The following CTNNA3 variants were observed in gnomAD, a reference collection of about 807,000 sequenced individuals.
The protein encoded by CTNNA3 is catenin alpha 3, also known as catenin alpha-3.
CTNNA3 carries 76 observed loss-of-function variants against 95.7 expected under a neutral mutation model. The ratio of observed to expected loss-of-function variants is 0.79; its 90% CI spans 0.66 to 0.96. The LOEUF (loss-of-function observed/expected upper bound fraction) is 0.96, where lower values mean the gene tolerates loss of function less well. CTNNA3 is among the 40% of genes least tolerant of loss of function. The pLI is 0.00. For missense variants in CTNNA3, 1,191 were observed against 1,089.8 expected (o/e 1.09, Z -1.31); for synonymous variants, 431 against 374.4 (o/e 1.15, Z -1.74).
intron 13 of CTNNA3, among the ~76,000 whole-genome samples, chr10:66,204,932 G>A (rs1028413651): frequency 6.6e-5 from 10 of 152,050 alleles, no homozygotes; most frequent in African/African-American, 1.2e-4. Context: ...TGAAGACTGT[G>A]CTTTATTACC....
intron 7 of CTNNA3, among the ~76,000 whole-genome samples, chr10:66,813,578 A>T (rs1052056529): frequency 2.0e-5 from 3 of 152,222 alleles, no homozygotes; most frequent in South Asian, 2.1e-4. Context: ...ATTCAATAAA[A>T]TTTTTCTGGA....
intron 1 of CTNNA3, among the ~76,000 whole-genome samples, chr10:67,703,672 C>A (rs1217125785): frequency 6.6e-6 from 1 of 152,148 alleles, no homozygotes; most frequent in Non-Finnish European, 1.5e-5. Flanking sequence ...CAATATCATA[C>A]TGAATGGGCA....
chr10:65,978,962 G>A (rs1375885194), intron 16 of CTNNA3, among the ~76,000 whole-genome samples: 1 of 152,148 alleles, frequency 6.6e-6, no homozygotes, highest in Non-Finnish European at 1.5e-5. Context: ...TATAATGTCA[G>A]TGGTAGAGGA....
chr10:66,621,640 C>T (rs1210770823), intron 10 of CTNNA3, 52 bp downstream of exon 10: 15 of 1,045,412 alleles, frequency 1.4e-5, no homozygotes, highest in Non-Finnish European at 2.1e-5. Context: ...TGCATAAAAG[C>T]ATTAGGAATT....
At chr10:67,724,238 G>T (rs1841196494) in intron 1 of CTNNA3, among the ~76,000 whole-genome samples, 1 of 152,098 alleles carries the variant, frequency 6.6e-6, no homozygotes, top group African/African-American at 2.4e-5. Flanking sequence ...TTTATACCAG[G>T]AGTGGGCCTA....
chr10:67,585,231 G>T (rs1842585270), intron 3 of CTNNA3, among the ~76,000 whole-genome samples: 1 of 152,142 alleles, frequency 6.6e-6, no homozygotes, highest in Non-Finnish European at 1.5e-5. Flanking sequence ...ATGTGCTGTT[G>T]GGTTCAGTTT....
chr10:67,303,071 T>G (rs12358074), intron 5 of CTNNA3, among the ~76,000 whole-genome samples: 1 of 151,744 alleles, frequency 6.6e-6, no homozygotes, highest in African/African-American at 2.4e-5. Context: ...TGTATTGTAA[T>G]AAACTCATCC....
At chr10:67,180,624 A>G in intron 6 of CTNNA3, 104 bp from the exon 7 acceptor site, 1 of 900,960 alleles carries the variant, frequency 1.1e-6, no homozygotes, top group Non-Finnish European at 1.8e-6. Context: ...ATGTGATAAT[A>G]AAGAGAACTG....
chr10:66,827,992 C>G (rs1842576825), intron 7 of CTNNA3, among the ~76,000 whole-genome samples: 1 of 152,064 alleles, frequency 6.6e-6, no homozygotes, highest in African/African-American at 2.4e-5. Flanking sequence ...ATGTTTGAAG[C>G]CTGTCATCCT....
chr10:66,976,443 C>T (rs1034397574), intron 7 of CTNNA3, among the ~76,000 whole-genome samples: 14 of 152,144 alleles, frequency 9.2e-5, no homozygotes, highest in African/African-American at 3.1e-4. Flanking sequence ...ACCACCACTT[C>T]TATTCTTGCC....
chr10:66,151,251 T>C (rs955132616), intron 13 of CTNNA3, among the ~76,000 whole-genome samples: 1 of 152,026 alleles, frequency 6.6e-6, no homozygotes, highest in African/African-American at 2.4e-5. Flanking sequence ...AAGGACTGGT[T>C]ACTTCTAGCT....
At chr10:65,971,796 C>G (rs2078109689) in intron 16 of CTNNA3, among the ~76,000 whole-genome samples, 1 of 152,078 alleles carries the variant, frequency 6.6e-6, no homozygotes, top group Admixed American at 6.6e-5. Flanking sequence ...AGAGACTCCT[C>G]TTTAGCTCAT....
intron 13 of CTNNA3, among the ~76,000 whole-genome samples, chr10:66,169,060 G>T (rs1474193688): frequency 2.0e-5 from 3 of 151,878 alleles, no homozygotes; most frequent in East Asian, 3.9e-4. Context: ...GTCTATTTTT[G>T]TTGTTGTTGT....
chr10:67,444,354 T>C (rs1399339801), intron 5 of CTNNA3, among the ~76,000 whole-genome samples: 1 of 151,938 alleles, frequency 6.6e-6, no homozygotes, highest in African/African-American at 2.4e-5. Flanking sequence ...CAAATGACAA[T>C]GGAAACACAA....
intron 7 of CTNNA3, among the ~76,000 whole-genome samples, chr10:67,144,078 A>G (rs1256461047): frequency 6.6e-6 from 1 of 152,236 alleles, no homozygotes; most frequent in Non-Finnish European, 1.5e-5. Context: ...GAAAGCATGA[A>G]AACTCCATTT....
At chr10:67,231,970 A>T (rs1865232980) in intron 5 of CTNNA3, among the ~76,000 whole-genome samples, 1 of 152,212 alleles carries the variant, frequency 6.6e-6, no homozygotes, top group Non-Finnish European at 1.5e-5. Context: ...AAAAAAGAAT[A>T]AAAAGAAACG....
chr10:67,435,560 G>C (rs1046561836), intron 5 of CTNNA3, among the ~76,000 whole-genome samples: 1 of 152,030 alleles, frequency 6.6e-6, no homozygotes, highest in South Asian at 2.1e-4. Context: ...CAATATGATC[G>C]TTTACCTTGA....
intron 5 of CTNNA3, among the ~76,000 whole-genome samples, chr10:67,318,851 T>A (rs572543031): frequency 2.0e-5 from 3 of 152,242 alleles, no homozygotes; most frequent in African/African-American, 7.2e-5. Flanking sequence ...CTTGTCATAA[T>A]CTAGCTGTTC....
intron 3 of CTNNA3, among the ~76,000 whole-genome samples, chr10:67,603,390 G>T (rs12249684): frequency 0.14 from 20,651 of 152,124 alleles, 1,519 homozygotes; most frequent in Non-Finnish European, 0.16. Flanking sequence ...TAACATTGTA[G>T]TGCAACGCCT....
Sources: allele counts gnomAD v4.1 joint callset (sites outside exome capture counted in the v4.1 genomes callset), GRCh38; gene constraint gnomAD v4.1.1; transcripts MANE v1.5; gene names NCBI Gene and HGNC (gene_info 2026-07-23, HGNC 2026-07-21).